Variants in MAP4K4 observed in about 807,000 individuals in gnomAD.
MAP4K4 encodes the protein HPK/GCK-like kinase HGK.
In MAP4K4, 38 loss-of-function variants were observed where a neutral mutation model predicts 189.6. The observed-to-expected ratio is 0.20, with a 90% CI of 0.15 to 0.26. The LOEUF is 0.26. MAP4K4 is among the 10% of genes least tolerant of loss of function. The probability of loss-of-function intolerance (pLI) is 1.00; values close to 1 mark genes in which losing one functional copy is unlikely to be tolerated. For missense variants in MAP4K4, 1,054 were observed against 1,726.9 expected, an observed-to-expected ratio of 0.61 and a Z score of 6.91; for synonymous variants, 610 against 624.3, an observed-to-expected ratio of 0.98 and a Z score of 0.34.
intron 2 of MAP4K4, among the ~76,000 whole-genome samples, chr2:101,751,065 G>C (rs1162158851): frequency 6.8e-6 from 1 of 146,210 alleles, no homozygotes; most frequent in Non-Finnish European, 1.5e-5. Flanking sequence ...TTGTTTCGTT[G>C]GGGGGTGTAT....
rs1450386075 is a variant in MAP4K4, at chr2:101,891,135, A to G, written c.4072-31A>G. 7 of 1,568,940 alleles carry G rather than the reference A, an allele frequency of 4.5e-6. No individual in the cohort carries two copies. In the East Asian group the frequency reaches 1.6e-4, roughly 35 times the overall value. On this transcript the variant is annotated intron_variant, in intron 32 of 32. Transcript: ENST00000324219. Reference sequence around the variant, plus strand: ...GCTGGAAGTGCTTCATGACCATGGTAACCATTCCCTCTCTTTTCTTGCTTT... The same window carrying G: ...GCTGGAAGTGCTTCATGACCATGGTGACCATTCCCTCTCTTTTCTTGCTTT...
At chr2:101,844,179 C>T (rs560412527) in exon 12 of MAP4K4, 40 of 1,611,236 alleles carry the variant, frequency 2.5e-5, no homozygotes, top group East Asian at 2.5e-4. Flanking sequence ...AGGAACGTTC[C>T]GAGGCTCTTC....
chr2:101,723,279 C>T (rs2053295679), intron 2 of MAP4K4, among the ~76,000 whole-genome samples: 1 of 152,158 alleles, frequency 6.6e-6, no homozygotes, highest in African/African-American at 2.4e-5. Flanking sequence ...TGAGGATGTT[C>T]CCCTCCTTTT....
At chr2:101,729,867 C>T (rs1333812118) in intron 2 of MAP4K4, among the ~76,000 whole-genome samples, 2 of 152,158 alleles carry the variant, frequency 1.3e-5, no homozygotes. Context: ...TGGGTGTTTT[C>T]CTCTCTTGAG....
At position 101,837,907 on chromosome 2, in the gene MAP4K4, T is replaced by C. The variant is rs2236933; in HGVS notation, c.774-1912T>C. 5.6e-4 allele frequency among the ~76,000 whole-genome samples: 86 copies of C among 152,338 alleles called. No homozygotes were observed. In the East Asian group the frequency reaches 0.015, roughly 27 times the overall value. ...TATTCTTTTCTTACACCAAACTTTC[T>C]TTAAACTGGGTTAGACGGCATATTT... On this transcript the variant is annotated intron_variant, in intron 9 of 32. Transcript: ENST00000324219.
intron 2 of MAP4K4, among the ~76,000 whole-genome samples, chr2:101,758,091 A>C (rs949003312): frequency 2.6e-5 from 4 of 152,240 alleles, no homozygotes; most frequent in African/African-American, 9.6e-5. Flanking sequence ...GGGCTCTCTC[A>C]AAATATCTTA....
intron 3 of MAP4K4, among the ~76,000 whole-genome samples, chr2:101,815,606 C>T (rs2095665970): frequency 6.6e-6 from 1 of 151,998 alleles, no homozygotes; most frequent in South Asian, 2.1e-4. Flanking sequence ...GTTAATTTTA[C>T]CTTATTGGGT....
chr2:101,891,181 G>C, exon 33 of MAP4K4: 1 of 1,613,838 alleles, frequency 6.2e-7, no homozygotes, highest in Non-Finnish European at 8.5e-7. Context: ...CTTTGCCTCT[G>C]TTCGGTCTGG....
intron 2 of MAP4K4, among the ~76,000 whole-genome samples, chr2:101,784,682 A>G (rs1468767157): frequency 1.3e-5 from 2 of 152,192 alleles, no homozygotes; most frequent in African/African-American, 4.8e-5. Context: ...TCAAGAAGAA[A>G]AAGGCCAGGG....
intron 23 of MAP4K4, 81 bp downstream of exon 23, chr2:101,870,496 G>C (rs1175126452): frequency 2.6e-6 from 4 of 1,555,352 alleles, no homozygotes; most frequent in African/African-American, 1.4e-5. Flanking sequence ...CACTCATGCT[G>C]TTTCTCCATC....
chr2:101,724,302 C>T (rs1574282627), intron 2 of MAP4K4, among the ~76,000 whole-genome samples: 1 of 152,230 alleles, frequency 6.6e-6, no homozygotes, highest in Middle Eastern at 3.4e-3. Flanking sequence ...GGCAGTTTCT[C>T]AAGGGGCCAG....
chr2:101,838,494 C>T (rs1031297361), intron 9 of MAP4K4, among the ~76,000 whole-genome samples: 2 of 152,216 alleles, frequency 1.3e-5, no homozygotes, highest in Non-Finnish European at 2.9e-5. Context: ...TATTCTCTAA[C>T]ACTTCCCTAC....
At chr2:101,750,516 T>TGGGGGGGGGGG (rs2068276244) in intron 2 of MAP4K4, among the ~76,000 whole-genome samples, 1 of 51,694 alleles carries the variant, frequency 1.9e-5, no homozygotes, top group African/African-American at 7.9e-5. Context: ...GTGGTGGGGT[T>TGGGGGGGGGGG]GGGGGAGGGG....
At chr2:101,717,362 G>C (rs1308164273) in intron 2 of MAP4K4, among the ~76,000 whole-genome samples, 3 of 152,194 alleles carry the variant, frequency 2.0e-5, no homozygotes, top group Non-Finnish European at 4.4e-5. Flanking sequence ...AGGTAAACTA[G>C]ATTGAATCTG....
chr2:101,867,521 T>G, intron 20 of MAP4K4: 1 of 510,872 alleles, frequency 2.0e-6, no homozygotes, highest in Non-Finnish European at 3.5e-6. Context: ...GAGTAAAACC[T>G]TTTTTCTGTT....
exon 23 of MAP4K4, chr2:101,870,320 G>A (rs2097948608): frequency 6.2e-7 from 1 of 1,613,042 alleles, no homozygotes; most frequent in Non-Finnish European, 8.5e-7. Flanking sequence ...GAGCAATGGT[G>A]AAACGGAATC....
At chr2:101,836,897 G>A (rs2149490932) in intron 9 of MAP4K4, among the ~76,000 whole-genome samples, 1 of 152,226 alleles carries the variant, frequency 6.6e-6, no homozygotes, top group East Asian at 1.9e-4. Flanking sequence ...ATGGTGTTGG[G>A]TTAGTTGTAA....
intron 2 of MAP4K4, among the ~76,000 whole-genome samples, chr2:101,710,990 C>A (rs948383608): frequency 3.5e-4 from 53 of 152,178 alleles, no homozygotes; most frequent in Non-Finnish European, 2.8e-4. Flanking sequence ...ATTTGAATCT[C>A]CTGTATCAGT....
chr2:101,742,493 G>A (rs909911941), intron 2 of MAP4K4, among the ~76,000 whole-genome samples: 2 of 151,364 alleles, frequency 1.3e-5, no homozygotes, highest in Admixed American at 1.3e-4. Context: ...TTGCCTGCCT[G>A]ACTTCTCCCT....
Sources: allele counts gnomAD v4.1 joint callset (sites outside exome capture counted in the v4.1 genomes callset), GRCh38; gene constraint gnomAD v4.1.1; transcripts MANE v1.5; gene names NCBI Gene and HGNC (gene_info 2026-07-23, HGNC 2026-07-21).